CYFIP2: variants seen among roughly 807,000 people sequenced by gnomAD.
The protein encoded by CYFIP2 is cytoplasmic FMR1-interacting protein 2.
A neutral mutation model predicts 158.7 loss-of-function variants in CYFIP2; 29 were observed. The ratio of observed to expected loss-of-function variants is 0.18; its 90% confidence interval spans 0.14 to 0.25. CYFIP2 has a LOEUF of 0.25. Ranked by LOEUF, CYFIP2 falls within the 10% of genes least tolerant of loss-of-function variation. The probability of loss-of-function intolerance (pLI) is 1.00; values close to 1 mark genes in which losing one functional copy is unlikely to be tolerated. For synonymous variants in CYFIP2, 585 were observed against 617.6 expected (o/e 0.95, Z 0.78); for missense variants, 852 against 1,639.5 (o/e 0.52, Z 8.29).
intron 26 of CYFIP2, among the ~76,000 whole-genome samples, chr5:157,372,551 G>A (rs1054733711): frequency 2.6e-5 from 4 of 152,178 alleles, no homozygotes; most frequent in African/African-American, 9.7e-5. Context: ...CATATGAGGA[G>A]GAGGAAAGTC....
chr5:157,286,794 T>C (rs1757431107), intron 2 of CYFIP2, among the ~76,000 whole-genome samples: 1 of 152,112 alleles, frequency 6.6e-6, no homozygotes, highest in South Asian at 2.1e-4. Context: ...TGAGTGAACC[T>C]GATTACTGAT....
intron 18 of CYFIP2, among the ~76,000 whole-genome samples, chr5:157,327,425 C>G (rs1482297279): frequency 3.9e-5 from 6 of 151,918 alleles, no homozygotes; most frequent in Non-Finnish European, 1.5e-5. Flanking sequence ...ATTAGCCAGG[C>G]ATGGTGGTGG....
intron 8 of CYFIP2, 40 bp from the exon 9 acceptor site, chr5:157,307,721 A>G (rs1241889527): frequency 1.5e-6 from 2 of 1,310,040 alleles, no homozygotes; most frequent in East Asian, 2.3e-5. Context: ...TTTCCAGCAG[A>G]TGTGATTAGT....
At chr5:157,275,448 T>A (rs750333512) in intron 1 of CYFIP2, among the ~76,000 whole-genome samples, 67 of 152,344 alleles carry the variant, frequency 4.4e-4, no homozygotes, top group Non-Finnish European at 9.1e-4. Flanking sequence ...TGACCATAAA[T>A]GTGAGGATTT....
intron 15 of CYFIP2, among the ~76,000 whole-genome samples, chr5:157,323,488 G>A (rs538841611): frequency 1.3e-5 from 2 of 152,292 alleles, no homozygotes; most frequent in Admixed American, 6.5e-5. Flanking sequence ...GGCCCAGAGT[G>A]GGGGCTTTGT....
intron 23 of CYFIP2, among the ~76,000 whole-genome samples, chr5:157,353,148 A>G (rs1348244061): frequency 1.3e-5 from 2 of 152,220 alleles, no homozygotes; most frequent in Non-Finnish European, 1.5e-5. Flanking sequence ...TAATTGTTAG[A>G]GCAGCCACAG....
chr5:157,379,412 T>C (rs918169552), intron 26 of CYFIP2, among the ~76,000 whole-genome samples: 2 of 151,876 alleles, frequency 1.3e-5, no homozygotes, highest in Admixed American at 6.6e-5. Context: ...CAAAACTCAC[T>C]TAAAAATTGA....
intron 30 of CYFIP2, among the ~76,000 whole-genome samples, chr5:157,392,043 T>C (rs1420479613): frequency 6.6e-6 from 1 of 152,228 alleles, no homozygotes; most frequent in Non-Finnish European, 1.5e-5. Flanking sequence ...TCATGTGTTA[T>C]TGGCCATTTG....
At chr5:157,333,106 C>A (rs1761601070) in intron 20 of CYFIP2, among the ~76,000 whole-genome samples, 2 of 152,186 alleles carry the variant, frequency 1.3e-5, no homozygotes, top group South Asian at 4.1e-4. Context: ...AGGTTCCACA[C>A]AAGAAGAGGA....
intron 25 of CYFIP2, 93 bp downstream of exon 25, chr5:157,360,465 G>A: frequency 9.4e-7 from 1 of 1,062,444 alleles, no homozygotes; most frequent in Non-Finnish European, 1.4e-6. Flanking sequence ...TAACATGCCA[G>A]TGAGCTGGCA....
At chr5:157,284,624 GTT>G (rs1757233664) in intron 1 of CYFIP2, among the ~76,000 whole-genome samples, 1 of 152,196 alleles carries the variant, frequency 6.6e-6, no homozygotes, top group East Asian at 1.9e-4. Flanking sequence ...TAACTGTGCT[GTT>G]CAGATTCTCT....
intron 8 of CYFIP2, among the ~76,000 whole-genome samples, chr5:157,306,866 G>T (rs1302540037): frequency 4.0e-5 from 6 of 151,498 alleles, no homozygotes; most frequent in Non-Finnish European, 5.9e-5. Flanking sequence ...CGGGTGGGGT[G>T]GGGTAGGGAA....
intron 15 of CYFIP2, 69 bp downstream of exon 15, chr5:157,320,871 G>A: frequency 6.9e-7 from 1 of 1,450,756 alleles, no homozygotes; most frequent in Non-Finnish European, 9.1e-7. Context: ...AGATCATCAT[G>A]GCTGGCCATG....
intron 30 of CYFIP2, among the ~76,000 whole-genome samples, chr5:157,392,082 A>C (rs1390541107): frequency 1.3e-5 from 2 of 152,288 alleles, no homozygotes; most frequent in African/African-American, 4.8e-5. Context: ...ATGTCTATTC[A>C]AGTCCTTTGT....
intron 28 of CYFIP2, among the ~76,000 whole-genome samples, chr5:157,386,196 G>A (rs577588306): frequency 5.3e-5 from 8 of 152,204 alleles, no homozygotes; most frequent in African/African-American, 1.9e-4. Context: ...TCAAGTTGAT[G>A]AAGACTATTT....
chr5:157,323,131 G>A (rs1249769216), intron 15 of CYFIP2: 1 of 1,001,730 alleles, frequency 1.0e-6, no homozygotes, highest in Non-Finnish European at 1.5e-6. Flanking sequence ...GACAAATGAT[G>A]TGGAGAGATC....
chr5:157,390,271 A>T (rs1767142934), intron 29 of CYFIP2, among the ~76,000 whole-genome samples: 1 of 148,596 alleles, frequency 6.7e-6, no homozygotes, highest in Non-Finnish European at 1.5e-5. Context: ...TTTAGAGCTG[A>T]TTTTTTTTTT....
chr5:157,282,266 C>T (rs1248863149), intron 1 of CYFIP2, among the ~76,000 whole-genome samples: 1 of 152,166 alleles, frequency 6.6e-6, no homozygotes, highest in African/African-American at 2.4e-5. Flanking sequence ...AACAGTTATA[C>T]CATATGGTGG....
intron 26 of CYFIP2, among the ~76,000 whole-genome samples, chr5:157,372,896 A>AACACAC (rs375713939): frequency 6.6e-6 from 1 of 151,678 alleles, no homozygotes; most frequent in African/African-American, 2.4e-5. Flanking sequence ...CTAACAGAGA[A>AACACAC]ACACACACAC....
Sources: allele counts gnomAD v4.1 joint callset (sites outside exome capture counted in the v4.1 genomes callset), GRCh38; gene constraint gnomAD v4.1.1; transcripts MANE v1.5; gene names NCBI Gene and HGNC (gene_info 2026-07-23, HGNC 2026-07-21).